MGAT4A: variants seen among roughly 807,000 people sequenced by gnomAD.
The protein encoded by MGAT4A is alpha-1,3-mannosyl-glycoprotein 4-beta-N-acetylglucosaminyltransferase A.
MGAT4A carries 33 observed loss-of-function variants against 74.1 expected under a neutral mutation model. That is an observed-to-expected ratio of 0.45 (90% CI 0.34 to 0.60). The LOEUF (loss-of-function observed/expected upper bound fraction) is 0.60. MGAT4A is among the 20% of genes least tolerant of loss of function. The pLI, the probability that MGAT4A is intolerant of heterozygous loss-of-function variation, is 0.02. For synonymous variants in MGAT4A, 198 were observed against 210.4 expected, an observed-to-expected ratio of 0.94 and a Z score of 0.51; for missense variants, 479 against 628.3, an observed-to-expected ratio of 0.76 and a Z score of 2.54.
chr2:98,624,322 AT>A lies in MGAT4A; in HGVS notation c.*1243del. 1 of 974,544 alleles carries A rather than the reference AT, an allele frequency of 1.0e-6. No homozygotes were observed. Among genetic ancestry groups the A allele is most frequent in the Non-Finnish European group, 1.2e-6 (1 of 820,090 alleles). 60.4% of individuals were successfully genotyped at this position (974,544 alleles called of 1,614,324 possible). On this transcript the variant is annotated 3_prime_UTR_variant, in exon 16 of 16. Transcript: ENST00000393487. Reference sequence around the variant, plus strand: ...CCACAGCGCCTGGTGATAATTCATCATTTTTTAAAAGTACTTTTATAAAGAT... The same window carrying A: ...CCACAGCGCCTGGTGATAATTCATCATTTTTAAAAGTACTTTTATAAAGAT...
Position 98,623,878 on chromosome 2 carries a change from C to T in MGAT4A, c.*1688G>A. 1 of 985,456 alleles carries T rather than the reference C, an allele frequency of 1.0e-6. No homozygotes were observed. The highest frequency in any genetic ancestry group is 1.2e-6 in the Non-Finnish European group (1 of 829,982). 61.0% of individuals were successfully genotyped at this position (985,456 alleles called of 1,614,324 possible). On this transcript the variant is annotated 3_prime_UTR_variant, in exon 16 of 16. Transcript: ENST00000393487. ...GAGGCAGCCAGCTGGAACCTTGCCCCAGCGCTAGGCCCCAGCCAGTGGTCA... is the reference window on the plus strand; with the variant it reads ...GAGGCAGCCAGCTGGAACCTTGCCCTAGCGCTAGGCCCCAGCCAGTGGTCA...
chr2:98,683,842 C>T (rs1444714212), intron 2 of MGAT4A, among the ~76,000 whole-genome samples: 2 of 152,162 alleles, frequency 1.3e-5, no homozygotes, highest in African/African-American at 4.8e-5. Context: ...GAAAAAGTCC[C>T]TGGGGGCCCA....
chr2:98,655,338 G>C, intron 8 of MGAT4A, 107 bp downstream of exon 8: 1 of 747,958 alleles, frequency 1.3e-6, no homozygotes. Flanking sequence ...TGATTTGTCA[G>C]ATCTCAGAGG....
Position 98,636,388 on chromosome 2 carries a change from T to A in MGAT4A, c.1401+129A>T, listed in dbSNP as rs1276051847. The A allele has an allele frequency of 1.5e-5, 10 of 671,576 alleles. No individual in the cohort carries two copies. In the Admixed American group the frequency reaches 1.6e-4, roughly 11 times the overall value. The allele number at this position is 671,576 out of a possible 1,614,324, so 41.6% of individuals were successfully genotyped here. On this transcript the variant is annotated intron_variant, in intron 13 of 15. Coordinates refer to ENST00000393487, the MANE Select transcript of MGAT4A (RefSeq NM_012214.3). ...AAAGTGCTTCATATTTCAAAAAAAA[T>A]TAATATTATTCACCATTGAGTCCTG...
At chr2:98,692,008 A>G (rs977664331) in intron 2 of MGAT4A, among the ~76,000 whole-genome samples, 1 of 152,260 alleles carries the variant, frequency 6.6e-6, no homozygotes, top group Non-Finnish European at 1.5e-5. Context: ...ATGTGGTTAT[A>G]CAATGTGTTT....
At chr2:98,682,992 G>GCAGGAGAATGGCGTGAACC (rs1214727321) in intron 2 of MGAT4A, among the ~76,000 whole-genome samples, 3 of 152,074 alleles carry the variant, frequency 2.0e-5, no homozygotes, top group African/African-American at 7.2e-5. Flanking sequence ...GGAAGCTGAG[G>GCAGGAGAATGGCGTGAACC]CAGGAGAATG....
intron 4 of MGAT4A, 108 bp from the exon 5 acceptor site, chr2:98,663,287 T>C: frequency 4.6e-6 from 7 of 1,527,208 alleles, no homozygotes; most frequent in South Asian, 2.5e-5. Context: ...GAATAACTGA[T>C]GGATCAAAAT....
intron 2 of MGAT4A, among the ~76,000 whole-genome samples, chr2:98,688,289 A>C (rs1437185517): frequency 6.6e-6 from 1 of 152,180 alleles, no homozygotes; most frequent in Non-Finnish European, 1.5e-5. Flanking sequence ...AGCAATTACC[A>C]TATGAGTCCC....
chr2:98,720,547 C>T (rs1223038441), intron 2 of MGAT4A, among the ~76,000 whole-genome samples: 1 of 152,148 alleles, frequency 6.6e-6, no homozygotes, highest in Non-Finnish European at 1.5e-5. Flanking sequence ...GCGGCAGATT[C>T]TAGGACCTCT....
chr2:98,688,174 C>G (rs1382026691), intron 2 of MGAT4A, among the ~76,000 whole-genome samples: 1 of 152,174 alleles, frequency 6.6e-6, no homozygotes, highest in Non-Finnish European at 1.5e-5. Flanking sequence ...TTTTTAAGGA[C>G]TGATACTTCA....
intron 2 of MGAT4A, among the ~76,000 whole-genome samples, chr2:98,707,817 TTCC>T (rs1354212748): frequency 3.3e-5 from 5 of 152,156 alleles, no homozygotes; most frequent in Non-Finnish European, 7.4e-5. Context: ...AATCCTACCA[TTCC>T]AGAGCAAGGC....
At chr2:98,697,669 T>C (rs529722392) in intron 2 of MGAT4A, among the ~76,000 whole-genome samples, 1 of 152,306 alleles carries the variant, frequency 6.6e-6, no homozygotes, top group African/African-American at 2.4e-5. Flanking sequence ...TATTTTTAAA[T>C]AGGTTTTTGA....
intron 4 of MGAT4A, among the ~76,000 whole-genome samples, chr2:98,664,663 A>T (rs1701799062): frequency 1.3e-5 from 2 of 152,204 alleles, no homozygotes; most frequent in Non-Finnish European, 2.9e-5. Flanking sequence ...TTCAACAAGC[A>T]AATCTCAGGG....
chr2:98,672,723 T>C (rs1450694391), intron 4 of MGAT4A, among the ~76,000 whole-genome samples: 1 of 152,228 alleles, frequency 6.6e-6, no homozygotes, highest in Non-Finnish European at 1.5e-5. Context: ...CAGCTCGGTC[T>C]TTCTGATCAC....
intron 14 of MGAT4A, among the ~76,000 whole-genome samples, chr2:98,634,068 C>T (rs1324417937): frequency 6.6e-6 from 1 of 152,178 alleles, no homozygotes; most frequent in Non-Finnish European, 1.5e-5. Context: ...TTGCTCTTGT[C>T]TAATACTAAG....
In MGAT4A at chr2:98,678,401, G is replaced by C; in HGVS notation, c.165C>G (p.Ile55Met). Reference sequence around the variant, plus strand: ...TATTTAATTCAGAAGAGCGCTGTGAGATTCTGTGTTCAGCTATTCGAAGAC... The same window carrying C: ...TATTTAATTCAGAAGAGCGCTGTGACATTCTGTGTTCAGCTATTCGAAGAC... ...KERLRIAEHR[I>M]SQRSSELNTI... Residue 55 changes from isoleucine (I) to methionine (M), a missense_variant, in exon 3 of 16, where the codon ATC (isoleucine) becomes ATG (methionine). Coordinates refer to ENST00000393487, the MANE Select transcript of MGAT4A (RefSeq NM_012214.3). The C allele has an allele frequency of 2.5e-6, 4 of 1,595,826 alleles. No individual in the cohort carries two copies. The highest frequency in any genetic ancestry group is 3.4e-6 in the Non-Finnish European group (4 of 1,167,782).
chr2:98,699,615 T>C (rs1702324380), intron 2 of MGAT4A, among the ~76,000 whole-genome samples: 1 of 152,136 alleles, frequency 6.6e-6, no homozygotes, highest in Non-Finnish European at 1.5e-5. Flanking sequence ...ATCAATAATA[T>C]GCATAAAATT....
chr2:98,657,057 C>T (rs1559161131), intron 6 of MGAT4A, among the ~76,000 whole-genome samples: 1 of 152,120 alleles, frequency 6.6e-6, no homozygotes, highest in Non-Finnish European at 1.5e-5. Context: ...GGGATCCTGC[C>T]CCACATTCTA....
chr2:98,625,877 A>T (rs781182037), intron 14 of MGAT4A, 42 bp from the exon 15 acceptor site: 1 of 1,417,016 alleles, frequency 7.1e-7, no homozygotes, highest in Non-Finnish European at 9.9e-7. Flanking sequence ...CACCGAGATA[A>T]GCAAACATAA....
Sources: gnomAD v4.1 joint callset for allele counts (sites outside exome capture counted in the v4.1 genomes callset) on GRCh38, gnomAD v4.1.1 for gene constraint, MANE v1.5 for transcripts, NCBI Gene and HGNC (gene_info 2026-07-23, HGNC 2026-07-21) for gene names.